Variants in SH3PXD2A observed in about 807,000 individuals in gnomAD.
The protein encoded by SH3PXD2A is SH3 and PX domains 2A, also known as SH3 and PX domain-containing protein 2A.
Under a neutral mutation model 115.2 loss-of-function variants are expected in SH3PXD2A, and 32 were observed. The observed-to-expected ratio is 0.28, with a 90% confidence interval of 0.21 to 0.37. The LOEUF (loss-of-function observed/expected upper bound fraction) is 0.37, where lower values mean the gene tolerates loss of function less well. SH3PXD2A is among the 10% of genes least tolerant of loss of function. SH3PXD2A has a pLI of 1.00. For synonymous variants in SH3PXD2A, 610 were observed against 629.1 expected (o/e 0.97, Z 0.45); for missense variants, 1,328 against 1,498.7 (o/e 0.89, Z 1.88).
intron 14 of SH3PXD2A, 114 bp from the exon 15 acceptor site, chr10:103,603,903 T>C (rs1271898881): frequency 6.5e-6 from 8 of 1,226,526 alleles, no homozygotes; most frequent in South Asian, 3.5e-5. Flanking sequence ...ATTTTACAGA[T>C]AATAAACCGA....
At chr10:103,667,489 G>A (rs2037398939) in intron 7 of SH3PXD2A, among the ~76,000 whole-genome samples, 1 of 152,222 alleles carries the variant, frequency 6.6e-6, no homozygotes, top group South Asian at 2.1e-4. Context: ...AAAAGGGACA[G>A]GAGCCCAGTG....
intron 3 of SH3PXD2A, among the ~76,000 whole-genome samples, chr10:103,761,895 T>C (rs1444965747): frequency 4.6e-5 from 7 of 151,990 alleles, no homozygotes; most frequent in Non-Finnish European, 1.0e-4. Flanking sequence ...TAAGTGATGG[T>C]GGACAGTGAT....
intron 6 of SH3PXD2A, among the ~76,000 whole-genome samples, chr10:103,682,723 C>T (rs1444232339): frequency 6.6e-6 from 1 of 150,900 alleles, no homozygotes; most frequent in East Asian, 2.0e-4. Flanking sequence ...TGCCATTGCA[C>T]TCCGGCCTGG....
At position 103,602,178 on chromosome 10, in the gene SH3PXD2A, G is replaced by A. The variant is rs1431104402; in HGVS notation, c.3040C>T (p.Arg1014Trp). The A allele has an allele frequency of 1.9e-6, 3 of 1,575,648 alleles. No individual in the cohort carries two copies. The highest frequency in any genetic ancestry group is 1.3e-5 in the African/African-American group (1 of 74,130). Reference sequence around the variant, plus strand: ...CGAGCAGTGCTAAAGGAGGAGTTCCGTCGGACGCCTCGGAGGCCATCAGTG... The same window carrying A: ...CGAGCAGTGCTAAAGGAGGAGTTCCATCGGACGCCTCGGAGGCCATCAGTG... ...TATDGLRGVR[R>W]NSSFSTARSA... is the part of the protein sequence containing the mutation. Residue 1014 changes from arginine (R) to tryptophan (W), a missense_variant, in exon 15 of 15, where the codon CGG becomes TGG. Transcript: ENST00000369774.
intron 1 of SH3PXD2A, among the ~76,000 whole-genome samples, chr10:103,852,132 C>T (rs547241398): frequency 1.3e-5 from 2 of 152,226 alleles, no homozygotes; most frequent in Non-Finnish European, 2.9e-5. Flanking sequence ...GGAAAGGAGC[C>T]TAGCTTCATG....
intron 1 of SH3PXD2A, among the ~76,000 whole-genome samples, chr10:103,811,201 G>T (rs905960137): frequency 6.6e-6 from 1 of 152,186 alleles, no homozygotes; most frequent in African/African-American, 2.4e-5. Context: ...GAACTCCCAG[G>T]ATTCACAATC....
At position 103,813,994 on chromosome 10, in the gene SH3PXD2A, C is replaced by T. The variant is rs550495638; in HGVS notation, c.73-12632G>A. Among the ~76,000 whole-genome samples, 260 of 114,208 alleles carry T rather than the reference C, an allele frequency of 2.3e-3. 1 individual carries two copies. The highest frequency in any genetic ancestry group is 7.7e-3 in the African/African-American group (246 of 32,050). The allele number at this position is 114,208 out of a possible 152,430, so 74.9% of individuals were successfully genotyped here. ...AACCAACATCAAAAAGACCACTGGA[C>T]TAGCTAAAAAAAAAAAAAAAACAAC... is the stretch of plus-strand genomic sequence containing the variant. On this transcript the variant is annotated intron_variant, in intron 1 of 14. Transcript: ENST00000369774.
At chr10:103,680,812 T>C (rs1227136852) in intron 6 of SH3PXD2A, among the ~76,000 whole-genome samples, 1 of 152,216 alleles carries the variant, frequency 6.6e-6, no homozygotes, top group East Asian at 1.9e-4. Context: ...AATATTTTTT[T>C]CTTTCACACT....
At chr10:103,606,254 G>A (rs1230616207) in intron 13 of SH3PXD2A, among the ~76,000 whole-genome samples, 1 of 151,092 alleles carries the variant, frequency 6.6e-6, no homozygotes, top group Admixed American at 6.6e-5. Context: ...TTGGGACCCA[G>A]GCTAGAGTGC....
intron 1 of SH3PXD2A, 43 bp downstream of exon 1, chr10:103,855,152 A>C: frequency 1.8e-5 from 26 of 1,422,906 alleles, no homozygotes; most frequent in Non-Finnish European, 2.2e-5. Context: ...CCCTCCCGGG[A>C]CCTCGGGCCA....
intron 8 of SH3PXD2A, among the ~76,000 whole-genome samples, chr10:103,646,546 C>T (rs993908896): frequency 1.3e-5 from 2 of 152,154 alleles, no homozygotes; most frequent in African/African-American, 2.4e-5. Context: ...GCCTCCCACC[C>T]CCAGCACCCA....
At chr10:103,835,506 C>T (rs546377793) in intron 1 of SH3PXD2A, among the ~76,000 whole-genome samples, 91 of 152,342 alleles carry the variant, frequency 6.0e-4, no homozygotes, top group African/African-American at 2.1e-3. Flanking sequence ...ATGGAATCTC[C>T]ACACGGTGGA....
Position 103,745,805 on chromosome 10 carries a change from C to T in SH3PXD2A, c.230-9997G>A, listed in dbSNP as rs964272032. Among the ~76,000 whole-genome samples, 11 of 152,344 alleles carry T rather than the reference C, an allele frequency of 7.2e-5. No homozygotes were observed. In the East Asian group the frequency reaches 1.7e-3, roughly 24 times the overall value. On this transcript the variant is annotated intron_variant, in intron 3 of 14. Transcript: ENST00000369774. ...ACATCTGTGTCTCCCACACGGCTTC[C>T]GTTTCTCGGAGGCCCAACTCAGAGG...
chr10:103,700,293 G>A (rs1023398671), intron 5 of SH3PXD2A, among the ~76,000 whole-genome samples: 1 of 152,234 alleles, frequency 6.6e-6, no homozygotes, highest in African/African-American at 2.4e-5. Flanking sequence ...TAAAATAGTT[G>A]CTATCTTACA....
intron 8 of SH3PXD2A, among the ~76,000 whole-genome samples, chr10:103,640,032 C>T (rs958906810): frequency 5.9e-5 from 9 of 152,132 alleles, no homozygotes; most frequent in Admixed American, 3.3e-4. Context: ...AGGGCTAAGT[C>T]GGCCAGGCAC....
chr10:103,659,394 A>G (rs2037258653), intron 8 of SH3PXD2A, among the ~76,000 whole-genome samples: 1 of 151,974 alleles, frequency 6.6e-6, no homozygotes, highest in Admixed American at 6.5e-5. Flanking sequence ...AGAACCAACC[A>G]CCTTTCCTGA....
chr10:103,716,858 C>G (rs974643750), intron 5 of SH3PXD2A, among the ~76,000 whole-genome samples: 1 of 152,216 alleles, frequency 6.6e-6, no homozygotes, highest in Non-Finnish European at 1.5e-5. Flanking sequence ...GCAAAGGCAG[C>G]CTTGCATCTC....
At chr10:103,727,112 C>T (rs1172513406) in intron 4 of SH3PXD2A, among the ~76,000 whole-genome samples, 1 of 152,104 alleles carries the variant, frequency 6.6e-6, no homozygotes, top group East Asian at 1.9e-4. Context: ...TGAGAGAGAG[C>T]AAATCTAATG....
At position 103,770,652 on chromosome 10, in the gene SH3PXD2A, T is replaced by C. The variant is rs893194440; in HGVS notation, c.154-3483A>G. Among the ~76,000 whole-genome samples, 7 of 152,274 alleles carry C rather than the reference T, an allele frequency of 4.6e-5. No homozygotes were observed. The East Asian group carries it at 1.4e-3, about 29-fold the overall frequency. Reference sequence around the variant, plus strand: ...AAAGCTGACCTGTGGGCAGAAAAGGTGTCCCTGGCAGCTGGTTAGCTGTGC... The same window carrying C: ...AAAGCTGACCTGTGGGCAGAAAAGGCGTCCCTGGCAGCTGGTTAGCTGTGC... On this transcript the variant is annotated intron_variant, in intron 2 of 14. Coordinates refer to ENST00000369774, the MANE Select transcript of SH3PXD2A (RefSeq NM_001394015.1).
Sources: gnomAD v4.1 joint callset for allele counts (sites outside exome capture counted in the v4.1 genomes callset) on GRCh38, gnomAD v4.1.1 for gene constraint, MANE v1.5 for transcripts, NCBI Gene and HGNC (gene_info 2026-07-23, HGNC 2026-07-21) for gene names.